The following FER1L6 variants were observed in gnomAD, a reference collection of about 807,000 sequenced individuals.
FER1L6 encodes fer-1 like family member 6.
FER1L6 carries 177 observed loss-of-function variants against 219.2 expected under a neutral mutation model. The ratio of observed to expected loss-of-function variants is 0.81; its 90% CI spans 0.71 to 0.91. FER1L6 has a LOEUF of 0.91. FER1L6 is among the 40% of genes least tolerant of loss of function. FER1L6 has a pLI of 0.00. For synonymous variants in FER1L6, 768 were observed against 824.3 expected (o/e 0.93, Z 1.17); for missense variants, 2,153 against 2,259.9 (o/e 0.95, Z 0.96).
chr8:124,038,864 T>A (rs1563759052), intron 19 of FER1L6, among the ~76,000 whole-genome samples: 1 of 152,164 alleles, frequency 6.6e-6, no homozygotes, highest in African/African-American at 2.4e-5. Flanking sequence ...ACTCCCCAAG[T>A]CTGCACAAAA....
chr8:123,882,966 G>A (rs985373304), intron 1 of FER1L6, among the ~76,000 whole-genome samples: 3 of 152,090 alleles, frequency 2.0e-5, no homozygotes, highest in Admixed American at 6.5e-5. Flanking sequence ...ATGGGGAAGG[G>A]TATACATGTG....
intron 6 of FER1L6, among the ~76,000 whole-genome samples, chr8:123,970,568 C>T (rs1001165866): frequency 2.6e-5 from 4 of 152,118 alleles, no homozygotes; most frequent in African/African-American, 9.7e-5. Context: ...TCAGTCTCAT[C>T]AATGGTAATG....
intron 1 of FER1L6, among the ~76,000 whole-genome samples, chr8:123,924,354 G>T (rs763745493): frequency 6.6e-6 from 1 of 151,346 alleles, no homozygotes; most frequent in Non-Finnish European, 1.5e-5. Context: ...CAGCCTGGCC[G>T]ACATGGTAAA....
chr8:123,914,303 T>C (rs1325368160), intron 1 of FER1L6, among the ~76,000 whole-genome samples: 1 of 152,234 alleles, frequency 6.6e-6, no homozygotes, highest in Non-Finnish European at 1.5e-5. Context: ...CTTCTAATGA[T>C]GTTTTTAGAA....
At chr8:123,961,880 C>CTTTTTTTTT (rs1295109025) in intron 2 of FER1L6, among the ~76,000 whole-genome samples, 1 of 129,198 alleles carries the variant, frequency 7.7e-6, no homozygotes, top group Non-Finnish European at 1.7e-5. Flanking sequence ...TGTTTGTTTT[C>CTTTTTTTTT]TTTTTTTTTT....
At chr8:123,973,391 C>T in intron 6 of FER1L6, 43 bp from the exon 7 acceptor site, 2 of 1,515,964 alleles carry the variant, frequency 1.3e-6, no homozygotes, top group Non-Finnish European at 1.8e-6. Context: ...GCCTCTTATC[C>T]TCAAGGTAAA....
chr8:123,952,680 C>A (rs1176928170), intron 1 of FER1L6, among the ~76,000 whole-genome samples: 1 of 152,166 alleles, frequency 6.6e-6, no homozygotes, highest in South Asian at 2.1e-4. Flanking sequence ...TGGTTGATCC[C>A]AATACATTGT....
intron 1 of FER1L6, among the ~76,000 whole-genome samples, chr8:123,912,534 G>C (rs1023546194): frequency 7.6e-6 from 1 of 130,926 alleles, no homozygotes; most frequent in Non-Finnish European, 1.6e-5. Context: ...ATCTCCGAGA[G>C]AGCATTGAGG....
chr8:124,041,042 C>A (rs189894253), intron 20 of FER1L6, among the ~76,000 whole-genome samples: 1 of 152,244 alleles, frequency 6.6e-6, no homozygotes, highest in Admixed American at 6.5e-5. Flanking sequence ...AGCAAAAATC[C>A]AGTAGGATGC....
intron 1 of FER1L6, among the ~76,000 whole-genome samples, chr8:123,891,124 G>A (rs144821374): frequency 2.1e-4 from 32 of 152,210 alleles, no homozygotes; most frequent in East Asian, 1.2e-3. Flanking sequence ...ACTTTCTAGC[G>A]AACTTTGATC....
intron 35 of FER1L6, among the ~76,000 whole-genome samples, chr8:124,096,083 G>A (rs1822272973): frequency 6.6e-6 from 1 of 152,162 alleles, no homozygotes; most frequent in Non-Finnish European, 1.5e-5. Context: ...GAGTTATTGG[G>A]ATATAGACCT....
intron 1 of FER1L6, among the ~76,000 whole-genome samples, chr8:123,903,897 C>G (rs544852961): frequency 6.6e-6 from 1 of 152,278 alleles, no homozygotes; most frequent in East Asian, 1.9e-4. Flanking sequence ...CTCATGTTCT[C>G]TGAGAAGAGG....
At position 124,069,371 on chromosome 8, in the gene FER1L6, G is replaced by T. The variant is rs754041999; in HGVS notation, c.3730G>T (p.Asp1244Tyr). The T allele has an allele frequency of 1.2e-6, 2 of 1,612,224 alleles. No individual in the cohort carries two copies. The highest frequency in any genetic ancestry group is 1.7e-6 in the Non-Finnish European group (2 of 1,179,198). ...GKKGNTEAKP[D>Y]EVVVDIEDGP... ...CTGAATATCCACAGAGGCAAAGCCAGATGAGGTAGTGGTAGATATAGAAGA... is the reference window on the plus strand; with the variant it reads ...CTGAATATCCACAGAGGCAAAGCCATATGAGGTAGTGGTAGATATAGAAGA... Residue 1244 changes from aspartate (D) to tyrosine (Y), a missense_variant, in exon 29 of 41, where the codon GAT (aspartate) becomes TAT (tyrosine). Transcript: ENST00000522917.
At chr8:123,860,152 C>T (rs1476570727) in intron 1 of FER1L6, among the ~76,000 whole-genome samples, 1 of 81,086 alleles carries the variant, frequency 1.2e-5, no homozygotes, top group African/African-American at 5.6e-5. Context: ...CACCACAGTC[C>T]CCAGAGTGTG....
intron 1 of FER1L6, among the ~76,000 whole-genome samples, chr8:123,917,238 G>A (rs957195253): frequency 2.0e-5 from 3 of 152,132 alleles, no homozygotes; most frequent in African/African-American, 7.2e-5. Flanking sequence ...GTTGACTGAT[G>A]GTGACCAGAC....
chr8:124,039,546 G>A lies in FER1L6; in HGVS notation c.2465-336G>A, dbSNP rs111978304. On this transcript the variant is annotated intron_variant, in intron 19 of 40. Transcript: ENST00000522917. The stretch of plus-strand genomic sequence containing the variant: ...CGATGCTCCGGCATGGGTTAATTGT[G>A]CAAACTTTTGAAAGTCTTTTAACCT... Among the ~76,000 whole-genome samples the A allele has an allele frequency of 9.2e-3, 1,399 of 152,298 alleles. 22 individuals carry two copies. The highest frequency in any genetic ancestry group is 0.031 in the African/African-American group (1,293 of 41,568).
chr8:123,933,205 A>G (rs1813845286), intron 1 of FER1L6, among the ~76,000 whole-genome samples: 1 of 152,236 alleles, frequency 6.6e-6, no homozygotes, highest in Non-Finnish European at 1.5e-5. Context: ...CCCCAAAGTC[A>G]TTAATGGATC....
chr8:124,069,275 T>C (rs1586664680), intron 28 of FER1L6, 85 bp from the exon 29 acceptor site: 2 of 1,023,644 alleles, frequency 2.0e-6, no homozygotes, highest in African/African-American at 3.2e-5. Flanking sequence ...ATAGGACATG[T>C]CAGCAAAAGG....
chr8:123,891,514 A>T (rs548760402), intron 1 of FER1L6, among the ~76,000 whole-genome samples: 1 of 152,270 alleles, frequency 6.6e-6, no homozygotes, highest in South Asian at 2.1e-4. Context: ...CAGTTCTGTC[A>T]TTAGAATGTT....
Sources: allele counts gnomAD v4.1 joint callset (sites outside exome capture counted in the v4.1 genomes callset), GRCh38; gene constraint gnomAD v4.1.1; transcripts MANE v1.5; gene names NCBI Gene and HGNC (gene_info 2026-07-23, HGNC 2026-07-21).